Variants in WDR25 observed in about 807,000 individuals in gnomAD.
The protein encoded by WDR25 is WD repeat domain 25, also known as WD repeat-containing protein 25.
WDR25 carries 35 observed loss-of-function variants against 47.7 expected under a neutral mutation model. The ratio of observed to expected loss-of-function variants is 0.73; its 90% CI spans 0.56 to 0.97. The LOEUF (loss-of-function observed/expected upper bound fraction) is 0.97, where lower values mean the gene tolerates loss of function less well. WDR25 is among the 50% of genes least tolerant of loss of function. WDR25 has a pLI of 0.00. For synonymous variants in WDR25, 248 were observed against 278.9 expected (o/e 0.89, Z 1.10); for missense variants, 634 against 704.7 (o/e 0.90, Z 1.14).
At chr14:100,497,204 G>A (rs1018590422) in intron 4 of WDR25, among the ~76,000 whole-genome samples, 5 of 152,222 alleles carry the variant, frequency 3.3e-5, no homozygotes. Flanking sequence ...GCATTTTGCT[G>A]TTGTTGGGTG....
intron 2 of WDR25, chr14:100,382,300 C>A: frequency 1.6e-6 from 1 of 640,228 alleles, no homozygotes; most frequent in Non-Finnish European, 2.8e-6. Context: ...ACCAGCCCAG[C>A]CCGGCAGGGC....
intron 4 of WDR25, among the ~76,000 whole-genome samples, chr14:100,497,345 T>G (rs1309183284): frequency 1.3e-5 from 2 of 152,194 alleles, no homozygotes; most frequent in Non-Finnish European, 2.9e-5. Flanking sequence ...CAGCTATAGT[T>G]GTGAATTTGT....
chr14:100,505,374 C>G (rs970590072), intron 4 of WDR25, among the ~76,000 whole-genome samples: 2 of 152,100 alleles, frequency 1.3e-5, no homozygotes, highest in Non-Finnish European at 2.9e-5. Flanking sequence ...GTTTTTGGAG[C>G]CTTGGTGGAA....
In WDR25 at chr14:100,529,567, C is replaced by T; in HGVS notation, c.1414-253C>T. On this transcript the variant is annotated intron_variant, in intron 6 of 6. Transcript: ENST00000402312. This position sits in a 1 kb window ranked among gnomAD's most constrained non-coding sequence, Gnocchi z 5.1. ...AAGGGGCTGGGTGCTTAGTGACTGT[C>T]ACTGAGGCCAGACCCCTCAGCTGGG... 1 of 597,376 alleles carries T rather than the reference C, an allele frequency of 1.7e-6. No individual in the cohort carries two copies. Among genetic ancestry groups the T allele is most frequent in the South Asian group, 2.0e-5 (1 of 49,102 alleles). The allele number at this position is 597,376 out of a possible 1,614,324, so 37.0% of individuals were successfully genotyped here.
At chr14:100,477,679 T>C (rs879856881) in intron 3 of WDR25, among the ~76,000 whole-genome samples, 2 of 152,260 alleles carry the variant, frequency 1.3e-5, no homozygotes, top group African/African-American at 2.4e-5. Context: ...ATGAATATTT[T>C]CCAGACTTTA....
chr14:100,381,777 G>C (rs553256480), intron 2 of WDR25, 31 bp downstream of exon 2: 11 of 1,526,642 alleles, frequency 7.2e-6, no homozygotes, highest in African/African-American at 1.4e-5. Flanking sequence ...TCTGCTTTCA[G>C]ATGCTCTTAG....
chr14:100,460,939 C>T (rs1384453158), intron 2 of WDR25, among the ~76,000 whole-genome samples: 1 of 152,266 alleles, frequency 6.6e-6, no homozygotes, highest in East Asian at 1.9e-4. Context: ...TTCCAGGCTG[C>T]GCACAGTGGC....
At chr14:100,477,703 A>G (rs1251798379) in intron 3 of WDR25, among the ~76,000 whole-genome samples, 2 of 152,236 alleles carry the variant, frequency 1.3e-5, no homozygotes, top group Non-Finnish European at 2.9e-5. Flanking sequence ...ATATCTCTTT[A>G]ACAAATGTAA....
In WDR25 at chr14:100,428,152, T is replaced by C. The variant is rs1898222525; in HGVS notation, c.823-39869T>C. On this transcript the variant is annotated intron_variant, in intron 2 of 6. Transcript: ENST00000402312. This position sits in a 1 kb window ranked among gnomAD's most constrained non-coding sequence, Gnocchi z 4.3. ...GTCACTTTTCCCATCTGAGGAAACG[T>C]TTGTCGTGTGCTCCGACCGAAGCGT... is the stretch of plus-strand genomic sequence containing the variant. Among the ~76,000 whole-genome samples the C allele has an allele frequency of 1.3e-5, 2 of 152,236 alleles. No individual in the cohort carries two copies. Among genetic ancestry groups the C allele is most frequent in the African/African-American group, 4.8e-5 (2 of 41,462 alleles).
Position 100,510,976 on chromosome 14 carries a change from C to A in WDR25, c.1102-14894C>A, listed in dbSNP as rs149659220. On this transcript the variant is annotated intron_variant, in intron 4 of 6. Transcript: ENST00000402312. ...ATTATAATGAATCTTGAAATCAGCT[C>A]GTATAAGTCTTCCACCTTTGTTCTG... 1.8e-3 allele frequency among the ~76,000 whole-genome samples: 274 copies of A among 152,018 alleles called. 2 individuals carry two copies. The highest frequency in any genetic ancestry group is 3.1e-3 in the Non-Finnish European group (213 of 67,980).
At chr14:100,415,830 A>G (rs1877814965) in intron 2 of WDR25, among the ~76,000 whole-genome samples, 1 of 152,164 alleles carries the variant, frequency 6.6e-6, no homozygotes, top group South Asian at 2.1e-4. Context: ...TTCTGCTAGT[A>G]TGTATGAAGC....
chr14:100,394,483 T>C (rs1897214469), intron 2 of WDR25, among the ~76,000 whole-genome samples: 1 of 152,242 alleles, frequency 6.6e-6, no homozygotes, highest in African/African-American at 2.4e-5. Flanking sequence ...TGTTCCTCAC[T>C]TCTTTCTTCA....
chr14:100,434,938 T>G (rs1232329520), intron 2 of WDR25, among the ~76,000 whole-genome samples: 2 of 152,260 alleles, frequency 1.3e-5, no homozygotes, highest in African/African-American at 4.8e-5. Flanking sequence ...CAGGCTACAT[T>G]AGTCCTGAGG....
chr14:100,443,532 GT>G (rs1051092105), intron 2 of WDR25, among the ~76,000 whole-genome samples: 2 of 152,172 alleles, frequency 1.3e-5, no homozygotes, highest in Admixed American at 1.3e-4. Flanking sequence ...TCCTTCAGCT[GT>G]CACTCGATTG....
intron 2 of WDR25, among the ~76,000 whole-genome samples, chr14:100,426,882 G>A (rs1898185224): frequency 6.6e-6 from 1 of 152,212 alleles, no homozygotes; most frequent in South Asian, 2.1e-4. Context: ...CCAGCCCTAG[G>A]AAACTGCCAG....
At position 100,500,823 on chromosome 14, in the gene WDR25, A is replaced by G. The variant is rs1348968578; in HGVS notation, c.1101+16699A>G. ...GCTGCATTGTTAGAGCCTAGTTTTA[A>G]TTTGTGCCTCCGCTATAAAGTAAGG... On this transcript the variant is annotated intron_variant, in intron 4 of 6. Transcript: ENST00000402312. The surrounding 1 kb of genome is among the most constrained non-coding windows in gnomAD (Gnocchi z 4.7). 6.6e-6 allele frequency among the ~76,000 whole-genome samples: 1 copy of G among 152,118 alleles called. No individual in the cohort carries two copies. The highest frequency in any genetic ancestry group is 2.4e-5 in the African/African-American group (1 of 41,416).
At position 100,424,209 on chromosome 14, in the gene WDR25, C is replaced by T. The variant is rs145428515; in HGVS notation, c.822+42463C>T. 2.2e-4 allele frequency among the ~76,000 whole-genome samples: 33 copies of T among 152,312 alleles called. No homozygotes were observed. Among genetic ancestry groups the T allele is most frequent in the Admixed American group, 5.2e-4 (8 of 15,298 alleles). ...TGAGTGTTCCTGAGCCCAGGCACTT[C>T]GATGCCCACACTACTTCCAGGGAGC... On this transcript the variant is annotated intron_variant, in intron 2 of 6. Transcript: ENST00000402312. The surrounding 1 kb of genome is among the most constrained non-coding windows in gnomAD (Gnocchi z 4.2).
intron 3 of WDR25, among the ~76,000 whole-genome samples, chr14:100,470,975 T>C (rs904646921): frequency 3.9e-5 from 6 of 152,222 alleles, no homozygotes; most frequent in African/African-American, 1.4e-4. Context: ...ATTCAACTCT[T>C]GAAGGCCCCG....
chr14:100,422,941 G>A (rs1898068750), intron 2 of WDR25, among the ~76,000 whole-genome samples: 3 of 152,308 alleles, frequency 2.0e-5, no homozygotes, highest in Admixed American at 6.5e-5. Flanking sequence ...GAAGTGGCGA[G>A]CGTCCCACAG....
Sources: allele counts gnomAD v4.1 joint callset (sites outside exome capture counted in the v4.1 genomes callset), GRCh38; gene constraint gnomAD v4.1.1; non-coding constraint Gnocchi (gnomAD v3.1); transcripts MANE v1.5; gene names NCBI Gene and HGNC (gene_info 2026-07-23, HGNC 2026-07-21).